The following SCFD2 variants were observed in gnomAD, a reference collection of about 807,000 sequenced individuals.
SCFD2 encodes sec1 family domain-containing protein 2.
SCFD2 carries 54 observed loss-of-function variants against 58.9 expected under a neutral mutation model. The ratio of observed to expected loss-of-function variants is 0.92; its 90% CI spans 0.74 to 1.15. The LOEUF (loss-of-function observed/expected upper bound fraction) is 1.15, where lower values mean the gene tolerates loss of function less well. Among genes scored for constraint, SCFD2 ranks in the 50% most tolerant of loss-of-function variants. The pLI, the probability that SCFD2 is intolerant of heterozygous loss-of-function variation, is 0.00. For synonymous variants in SCFD2, 321 were observed against 335.9 expected (o/e 0.96, Z 0.49); for missense variants, 805 against 836.6 (o/e 0.96, Z 0.47).
At chr4:53,136,250 C>G (rs1405404488) in intron 5 of SCFD2, among the ~76,000 whole-genome samples, 1 of 152,180 alleles carries the variant, frequency 6.6e-6, no homozygotes, top group Admixed American at 6.5e-5. Flanking sequence ...TTGGGAGACA[C>G]AAACCTTAGT....
chr4:53,016,076 G>A (rs1473408180), intron 5 of SCFD2, among the ~76,000 whole-genome samples: 1 of 152,098 alleles, frequency 6.6e-6, no homozygotes, highest in African/African-American at 2.4e-5. Context: ...TTTCCTACAC[G>A]GTCACCTGGG....
At chr4:53,043,487 A>T (rs115246400) in intron 5 of SCFD2, among the ~76,000 whole-genome samples, 3,998 of 152,332 alleles carry the variant, frequency 0.026, 82 homozygotes, top group African/African-American at 0.054. Context: ...TTTGTCAACA[A>T]AGATTAGTTA....
chr4:53,286,089 C>T (rs186950505), intron 3 of SCFD2, among the ~76,000 whole-genome samples: 2 of 152,268 alleles, frequency 1.3e-5, no homozygotes, highest in East Asian at 1.9e-4. Context: ...CATTCACGTA[C>T]ACAGAAGCAG....
chr4:53,095,923 G>T (rs1457224116), intron 5 of SCFD2, among the ~76,000 whole-genome samples: 1 of 151,714 alleles, frequency 6.6e-6, no homozygotes, highest in African/African-American at 2.4e-5. Context: ...CCTGTGCCCA[G>T]GTGTTCTCAT....
chr4:53,227,060 T>G (rs1037920275), intron 4 of SCFD2, among the ~76,000 whole-genome samples: 2 of 152,184 alleles, frequency 1.3e-5, no homozygotes, highest in African/African-American at 4.8e-5. Flanking sequence ...CGAAAGAAGA[T>G]GGAGCATGTG....
At chr4:53,127,175 A>C (rs1725653150) in intron 5 of SCFD2, among the ~76,000 whole-genome samples, 1 of 152,198 alleles carries the variant, frequency 6.6e-6, no homozygotes. Flanking sequence ...TATTTTCTTC[A>C]CTATATTTCA....
At chr4:52,899,035 A>G (rs887068760) in intron 7 of SCFD2, among the ~76,000 whole-genome samples, 6 of 152,048 alleles carry the variant, frequency 3.9e-5, no homozygotes, top group African/African-American at 1.5e-4. Context: ...TTTTGAGCCT[A>G]TGTGTGTCTC....
chr4:53,040,638 T>C (rs964433689), intron 5 of SCFD2, among the ~76,000 whole-genome samples: 1 of 152,172 alleles, frequency 6.6e-6, no homozygotes, highest in African/African-American at 2.4e-5. Context: ...TATGCAACTA[T>C]AAATATCTCT....
intron 2 of SCFD2, among the ~76,000 whole-genome samples, chr4:53,334,919 G>A (rs111509121): frequency 1.4e-3 from 210 of 152,188 alleles, no homozygotes; most frequent in African/African-American, 4.6e-3. Context: ...TAAACAGGCA[G>A]GGCGCGATGG....
At chr4:53,163,983 G>T (rs1262478118) in intron 4 of SCFD2, among the ~76,000 whole-genome samples, 1 of 152,152 alleles carries the variant, frequency 6.6e-6, no homozygotes, top group Non-Finnish European at 1.5e-5. Flanking sequence ...ATGAAAGGCT[G>T]TAACTGAAGA....
At chr4:53,088,896 A>G (rs1724388930) in intron 5 of SCFD2, among the ~76,000 whole-genome samples, 1 of 152,078 alleles carries the variant, frequency 6.6e-6, no homozygotes, top group Non-Finnish European at 1.5e-5. Context: ...CTAATCTCCA[A>G]TGTGCTGGCA....
At chr4:52,952,819 A>T (rs530989154) in intron 5 of SCFD2, among the ~76,000 whole-genome samples, 4 of 152,274 alleles carry the variant, frequency 2.6e-5, no homozygotes, top group African/African-American at 9.6e-5. Context: ...AATGTCACTT[A>T]CCTTCTCCCC....
At chr4:53,000,213 G>C (rs954513585) in intron 5 of SCFD2, among the ~76,000 whole-genome samples, 13 of 152,204 alleles carry the variant, frequency 8.5e-5, no homozygotes, top group African/African-American at 3.1e-4. Flanking sequence ...GTTGAGAAAG[G>C]CCAGAAAAGC....
intron 5 of SCFD2, among the ~76,000 whole-genome samples, chr4:53,113,115 TTTGCCTTTTGCTTC>T (rs1328178030): frequency 6.6e-6 from 1 of 152,048 alleles, no homozygotes; most frequent in East Asian, 1.9e-4. Context: ...ACCCAATCCC[TTTGCCTTTTGCTTC>T]AGAATTCAAC....
chr4:53,107,680 C>T (rs1468281694), intron 5 of SCFD2, among the ~76,000 whole-genome samples: 1 of 152,188 alleles, frequency 6.6e-6, no homozygotes, highest in Non-Finnish European at 1.5e-5. Flanking sequence ...AGCTAACTAT[C>T]CTAAATATAT....
chr4:53,155,887 A>G (rs888217042), intron 4 of SCFD2, among the ~76,000 whole-genome samples: 3 of 152,250 alleles, frequency 2.0e-5, no homozygotes, highest in African/African-American at 7.2e-5. Flanking sequence ...TTTTTGTAAT[A>G]ACAGTAATAC....
intron 2 of SCFD2, among the ~76,000 whole-genome samples, chr4:53,331,033 C>A (rs1733441098): frequency 6.6e-6 from 1 of 151,498 alleles, no homozygotes; most frequent in Non-Finnish European, 1.5e-5. Context: ...ATCAATTCAA[C>A]AAGAAGAGCT....
At chr4:53,001,529 G>A (rs762448632) in intron 5 of SCFD2, among the ~76,000 whole-genome samples, 3 of 152,144 alleles carry the variant, frequency 2.0e-5, no homozygotes, top group Admixed American at 1.3e-4. Context: ...GTTGCATGGC[G>A]ACAATGCTTA....
chr4:53,088,243 G>T (rs1724371351), intron 5 of SCFD2, among the ~76,000 whole-genome samples: 1 of 152,172 alleles, frequency 6.6e-6, no homozygotes, highest in South Asian at 2.1e-4. Context: ...CCCCAAAGAT[G>T]ATTCCAGAGA....
Sources: allele counts gnomAD v4.1 joint callset (sites outside exome capture counted in the v4.1 genomes callset), GRCh38; gene constraint gnomAD v4.1.1; transcripts MANE v1.5; gene names NCBI Gene and HGNC (gene_info 2026-07-23, HGNC 2026-07-21).